Variants in KDM2B observed in about 807,000 individuals in gnomAD.
KDM2B encodes lysine-specific demethylase 2B.
KDM2B carries 26 observed loss-of-function variants against 150.0 expected under a neutral mutation model. That is an observed-to-expected ratio of 0.17 (90% CI 0.13 to 0.24). The LOEUF (loss-of-function observed/expected upper bound fraction) is 0.24. Ranked by LOEUF, KDM2B falls within the 10% of genes least tolerant of loss-of-function variation. KDM2B has a pLI of 1.00. For missense variants in KDM2B, 1,265 were observed against 1,816.9 expected (o/e 0.70, Z 5.52); for synonymous variants, 734 against 729.5 (o/e 1.01, Z -0.10).
intron 10 of KDM2B, among the ~76,000 whole-genome samples, 184 bp from the exon 11 acceptor site, chr12:121,510,223 C>T (rs945857654): frequency 2.0e-5 from 3 of 152,238 alleles, no homozygotes; most frequent in African/African-American, 7.2e-5. Context: ...CCCCACCCTG[C>T]TGCTTCCCGG....
rs540393235 is a variant in KDM2B, at chr12:121,433,420, A to G, written c.3830-2951T>C. On this transcript the variant is annotated intron_variant, in intron 22 of 22. Coordinates refer to ENST00000377071, the MANE Select transcript of KDM2B (RefSeq NM_032590.5). ...AACATTTTAGATCTGGAATCTCACT[A>G]CTTTGCCCAGGCTGGTCTAGGACAC... Among the ~76,000 whole-genome samples, 123 of 152,198 alleles carry G rather than the reference A, an allele frequency of 8.1e-4. 1 individual carries two copies. The highest frequency in any genetic ancestry group is 1.2e-3 in the Non-Finnish European group (84 of 68,006).
intron 4 of KDM2B, among the ~76,000 whole-genome samples, chr12:121,569,606 A>T (rs1179568070): frequency 6.6e-6 from 1 of 152,180 alleles, no homozygotes; most frequent in Non-Finnish European, 1.5e-5. Flanking sequence ...TAGGTCACTT[A>T]TAACAAATGT....
chr12:121,506,064 C>CA (rs55693188), intron 11 of KDM2B, among the ~76,000 whole-genome samples: 1,998 of 152,158 alleles, frequency 0.013, 23 homozygotes, highest in South Asian at 0.027. Context: ...GGCTGGAGTG[C>CA]AGTGGCGCAC....
intron 12 of KDM2B, among the ~76,000 whole-genome samples, chr12:121,488,062 C>T (rs1211121035): frequency 8.5e-5 from 13 of 152,118 alleles, no homozygotes; most frequent in African/African-American, 3.1e-4. Flanking sequence ...GGATTATAGG[C>T]GTGAGCCATC....
intron 4 of KDM2B, among the ~76,000 whole-genome samples, chr12:121,559,099 G>C (rs1175627548): frequency 1.3e-5 from 2 of 152,208 alleles, no homozygotes; most frequent in Admixed American, 6.5e-5. Flanking sequence ...ATGCAAGGGA[G>C]TCAGGACTTA....
At chr12:121,438,273 T>C (rs1213655263) in intron 22 of KDM2B, among the ~76,000 whole-genome samples, 2 of 145,574 alleles carry the variant, frequency 1.4e-5, no homozygotes, top group Non-Finnish European at 3.0e-5. Flanking sequence ...AAAAAAAGAA[T>C]GCAGAGAGCT....
At chr12:121,511,348 G>A (rs567498391) in intron 10 of KDM2B, among the ~76,000 whole-genome samples, 4 of 146,620 alleles carry the variant, frequency 2.7e-5, no homozygotes, top group South Asian at 2.2e-4. Flanking sequence ...GTGCAATGGC[G>A]CGATCTCGGC....
chr12:121,509,475 G>C (rs1219921630), intron 11 of KDM2B, 92 bp downstream of exon 11: 1 of 1,537,162 alleles, frequency 6.5e-7, no homozygotes, highest in Non-Finnish European at 8.7e-7. Context: ...AATCTGCACA[G>C]AGCCATCGTG....
At chr12:121,504,361 G>A (rs1486102414) in intron 11 of KDM2B, among the ~76,000 whole-genome samples, 1 of 152,072 alleles carries the variant, frequency 6.6e-6, no homozygotes, top group East Asian at 1.9e-4. Flanking sequence ...ATAGCAAGAC[G>A]TAGTCTCTAC....
chr12:121,495,484 A>C (rs1883830735), intron 11 of KDM2B, among the ~76,000 whole-genome samples: 1 of 152,126 alleles, frequency 6.6e-6, no homozygotes, highest in Non-Finnish European at 1.5e-5. Context: ...TTTTTTGTGC[A>C]GACAGGGTAT....
At chr12:121,523,315 C>G (rs906491400) in intron 8 of KDM2B, among the ~76,000 whole-genome samples, 3 of 152,210 alleles carry the variant, frequency 2.0e-5, no homozygotes, top group African/African-American at 7.2e-5. Context: ...CAAGGGCGGA[C>G]AGAGGCGGAG....
chr12:121,533,221 T>C lies in KDM2B; in HGVS notation c.778-262A>G, dbSNP rs1566386183. Among the ~76,000 whole-genome samples, 1 of 152,102 alleles carries C rather than the reference T, an allele frequency of 6.6e-6. No homozygotes were observed. Among genetic ancestry groups the C allele is most frequent in the Non-Finnish European group, 1.5e-5 (1 of 68,012 alleles). On this transcript the variant is annotated intron_variant, in intron 7 of 22. Transcript: ENST00000377071. The surrounding 1 kb of genome is among the most constrained non-coding windows in gnomAD (Gnocchi z 4.1). ...CCCAGGATGGGAGTACTTCCTGGAC[T>C]GGGTGGGACATGCTTTCTCCCGAAC...
At chr12:121,420,545 G>T in the KDM2B span, 1 of 1,608,546 alleles carries the variant, frequency 6.2e-7, no homozygotes, top group Non-Finnish European at 8.5e-7. Context: ...GGACTTATGG[G>T]ACCAGGGCTA....
chr12:121,410,149 C>T, the KDM2B span, among the ~76,000 whole-genome samples: 15 of 143,094 alleles, frequency 1.0e-4, no homozygotes, highest in Admixed American at 8.7e-4. Context: ...AGCGAAACTC[C>T]GTCTCAAAAA....
At chr12:121,416,444 A>C in the KDM2B span, 1 of 1,050,570 alleles carries the variant, frequency 9.5e-7, no homozygotes, top group Non-Finnish European at 1.5e-6. Context: ...GGTTATTTTG[A>C]ATAGCTATTG....
At chr12:121,550,887 G>A (rs1219861603) in intron 4 of KDM2B, among the ~76,000 whole-genome samples, 1 of 152,022 alleles carries the variant, frequency 6.6e-6, no homozygotes, top group East Asian at 1.9e-4. Flanking sequence ...ATACTATTTT[G>A]TGATATGAAA....
At chr12:121,553,308 TCTC>T (rs1889659144) in intron 4 of KDM2B, among the ~76,000 whole-genome samples, 2 of 151,632 alleles carry the variant, frequency 1.3e-5, no homozygotes, top group South Asian at 4.2e-4. Flanking sequence ...TCCACCCACT[TCTC>T]CTCCCTAATC....
intron 12 of KDM2B, among the ~76,000 whole-genome samples, chr12:121,488,753 C>T (rs1883038653): frequency 6.6e-6 from 1 of 151,870 alleles, no homozygotes; most frequent in Non-Finnish European, 1.5e-5. Flanking sequence ...TTCCGAGTAG[C>T]TGGGATTACA....
chr12:121,486,874 G>C (rs1249482079), intron 12 of KDM2B, among the ~76,000 whole-genome samples: 1 of 152,168 alleles, frequency 6.6e-6, no homozygotes, highest in African/African-American at 2.4e-5. Context: ...TCAGGAGGCT[G>C]AGGTGGAATG....
Sources: gnomAD v4.1 joint callset for allele counts (sites outside exome capture counted in the v4.1 genomes callset) on GRCh38, gnomAD v4.1.1 for gene constraint, Gnocchi (gnomAD v3.1) non-coding constraint, MANE v1.5 for transcripts, NCBI Gene and HGNC (gene_info 2026-07-23, HGNC 2026-07-21) for gene names.